The following PIK3C2G variants were observed in gnomAD, a reference collection of about 807,000 sequenced individuals.
PIK3C2G encodes phosphatidylinositol-4-phosphate 3-kinase catalytic subunit type 2 gamma.
PIK3C2G carries 168 observed loss-of-function variants against 181.1 expected under a neutral mutation model. The ratio of observed to expected loss-of-function variants is 0.93; its 90% confidence interval spans 0.82 to 1.05. The LOEUF (loss-of-function observed/expected upper bound fraction) is 1.05. Ranked by LOEUF, PIK3C2G falls within the 50% of genes least tolerant of loss-of-function variation. The pLI is 0.00. For missense variants in PIK3C2G, 1,869 were observed against 1,732.8 expected (o/e 1.08, Z -1.40); for synonymous variants, 573 against 592.2 (o/e 0.97, Z 0.47).
intron 18 of PIK3C2G, among the ~76,000 whole-genome samples, chr12:18,449,062 A>T (rs747564544): frequency 2.0e-4 from 30 of 151,958 alleles, no homozygotes; most frequent in Admixed American, 3.9e-4. Flanking sequence ...AGAAACTTCC[A>T]TACTGTTTTC....
chr12:18,308,536 TTATC>T (rs1241411451), intron 5 of PIK3C2G, among the ~76,000 whole-genome samples: 2 of 151,370 alleles, frequency 1.3e-5, no homozygotes, highest in East Asian at 3.9e-4. Flanking sequence ...AGAGGCTCCT[TTATC>T]TATCTCTGCT....
chr12:18,308,032 T>G (rs1385494198), intron 5 of PIK3C2G, among the ~76,000 whole-genome samples: 1 of 152,064 alleles, frequency 6.6e-6, no homozygotes, highest in East Asian at 1.9e-4. Context: ...TTTACATTTA[T>G]AGCATATCTT....
chr12:18,381,714 C>T (rs934433416), intron 13 of PIK3C2G, 52 bp from the exon 14 acceptor site: 2 of 1,012,302 alleles, frequency 2.0e-6, no homozygotes, highest in South Asian at 1.3e-5. Flanking sequence ...ATAATTATAA[C>T]TTCCCTCATG....
At chr12:18,287,283 T>C (rs956362829) in intron 3 of PIK3C2G, among the ~76,000 whole-genome samples, 2 of 152,124 alleles carry the variant, frequency 1.3e-5, no homozygotes, top group African/African-American at 4.8e-5. Flanking sequence ...AACACAAACT[T>C]ATCCTCCCTA....
intron 18 of PIK3C2G, among the ~76,000 whole-genome samples, chr12:18,463,004 C>G (rs1303345876): frequency 2.0e-5 from 3 of 152,034 alleles, no homozygotes; most frequent in African/African-American, 7.2e-5. Context: ...AATACTATAG[C>G]CTTTATTGGA....
Position 18,505,445 on chromosome 12 carries a change from T to C in PIK3C2G, c.3307T>C (p.Phe1103Leu), listed in dbSNP as rs1380822828. 1.2e-6 allele frequency: 2 copies of C among 1,612,560 alleles called. No individual in the cohort carries two copies. The highest frequency in any genetic ancestry group is 2.2e-5 in the East Asian group (1 of 44,860). ...AAAATTCTTAGGTCATGCACAAACA[T>C]TTGGAGGGATAAAAAGGTCAGTGCA... ...FGKFLGHAQT[F>L]GGIKRDRAPF... The change falls in exon 24 of 33, where the codon TTT (phenylalanine) becomes CTT (leucine). Residue 1103 changes from phenylalanine (F) to leucine (L), a missense_variant. Physicochemically the swap from Phe to Leu is conservative, Grantham distance 22. Coordinates refer to ENST00000538779, the MANE Select transcript of PIK3C2G (RefSeq NM_001288772.2).
chr12:18,298,160 C>T (rs1565569847), intron 5 of PIK3C2G, among the ~76,000 whole-genome samples: 1 of 151,890 alleles, frequency 6.6e-6, no homozygotes, highest in Non-Finnish European at 1.5e-5. Context: ...ATAAGAGCTC[C>T]CTTTTCTCTG....
chr12:18,709,209 G>C, the PIK3C2G span, among the ~76,000 whole-genome samples: 16 of 151,610 alleles, frequency 1.1e-4, no homozygotes, highest in South Asian at 6.3e-4. Flanking sequence ...ATAAGATAAG[G>C]GTCTAATTTC....
At position 18,293,970 on chromosome 12, in the gene PIK3C2G, A is replaced by G. The variant is rs1949823973; in HGVS notation, c.989A>G (p.Lys330Arg). Reference protein sequence around the residue: ...HFCTNDQLLPKDHILSVCGSE... With the variant: ...HFCTNDQLLPRDHILSVCGSE... ...TGCACAAATGACCAGCTACTCCCCA[A>G]AGATCATATTCTAAGTGTATGTGGC... The change falls in exon 5 of 33, where the codon AAA becomes AGA. Residue 330 changes from lysine (K) to arginine (R), a missense_variant. Transcript: ENST00000538779. 20 of 1,599,342 alleles carry G rather than the reference A, an allele frequency of 1.3e-5. No homozygotes were observed. Among genetic ancestry groups the G allele is most frequent in the Non-Finnish European group, 1.6e-5 (19 of 1,166,912 alleles).
At chr12:18,498,885 G>A (rs1332253125) in intron 22 of PIK3C2G, among the ~76,000 whole-genome samples, 1 of 152,154 alleles carries the variant, frequency 6.6e-6, no homozygotes, top group African/African-American at 2.4e-5. Context: ...TTGCTACCAT[G>A]AGATTGTTAT....
the PIK3C2G span, among the ~76,000 whole-genome samples, chr12:18,677,000 A>G: frequency 2.6e-5 from 4 of 152,124 alleles, no homozygotes; most frequent in African/African-American, 9.7e-5. Context: ...TACTGAACAG[A>G]TATTTGTCAT....
At chr12:18,714,491 A>C in the PIK3C2G span, among the ~76,000 whole-genome samples, 1 of 152,214 alleles carries the variant, frequency 6.6e-6, no homozygotes, top group Non-Finnish European at 1.5e-5. Context: ...AGGCAGAAAA[A>C]TGTGATCTAA....
chr12:18,337,607 G>A (rs1166897854), intron 8 of PIK3C2G, among the ~76,000 whole-genome samples: 5 of 152,088 alleles, frequency 3.3e-5, no homozygotes, highest in Admixed American at 6.6e-5. Context: ...GGTGTCTCAC[G>A]TGGCGAGAGC....
chr12:18,455,409 A>G (rs920607100), intron 18 of PIK3C2G, among the ~76,000 whole-genome samples: 3 of 152,108 alleles, frequency 2.0e-5, no homozygotes, highest in Non-Finnish European at 4.4e-5. Flanking sequence ...AATAACATAC[A>G]TAGGATTATT....
At position 18,497,600 on chromosome 12, in the gene PIK3C2G, A is replaced by G. The variant is rs1334169257; in HGVS notation, c.2887-19A>G. ...AAATTCAAGGAAAAACCCAGGGTCT[A>G]TAATTTTGTTTTTAACAGGCTGGAG... On this transcript the variant is annotated intron_variant, in intron 21 of 32. Transcript: ENST00000538779. 1 of 1,601,788 alleles carries G rather than the reference A, an allele frequency of 6.2e-7. No homozygotes were observed. Among genetic ancestry groups the G allele is most frequent in the Non-Finnish European group, 8.5e-7 (1 of 1,172,530 alleles).
intron 24 of PIK3C2G, among the ~76,000 whole-genome samples, chr12:18,513,438 A>T (rs1189701830): frequency 6.6e-6 from 1 of 150,900 alleles, no homozygotes; most frequent in Non-Finnish European, 1.5e-5. Flanking sequence ...CTTTTCTTTG[A>T]TGAGAGACTT....
the PIK3C2G span, among the ~76,000 whole-genome samples, chr12:18,681,689 C>T: frequency 6.6e-6 from 1 of 151,934 alleles, no homozygotes; most frequent in African/African-American, 2.4e-5. Flanking sequence ...CTCGCAAAGT[C>T]CGTATTCCTA....
intron 13 of PIK3C2G, among the ~76,000 whole-genome samples, chr12:18,378,431 C>A (rs1942604031): frequency 6.6e-6 from 1 of 152,008 alleles, no homozygotes; most frequent in South Asian, 2.1e-4. Context: ...AAAACCTAAG[C>A]AATACCATTC....
At chr12:18,642,605 G>A (rs1208686254) in intron 32 of PIK3C2G, among the ~76,000 whole-genome samples, 1 of 152,084 alleles carries the variant, frequency 6.6e-6, no homozygotes, top group African/African-American at 2.4e-5. Flanking sequence ...TGCAAACACT[G>A]TCACCTCGTG....
Sources: gnomAD v4.1 joint callset for allele counts (sites outside exome capture counted in the v4.1 genomes callset) on GRCh38, gnomAD v4.1.1 for gene constraint, MANE v1.5 for transcripts, NCBI Gene and HGNC (gene_info 2026-07-23, HGNC 2026-07-21) for gene names.